The following ATP2B2 variants were observed in gnomAD, a reference collection of about 807,000 sequenced individuals.
ATP2B2 encodes ATPase plasma membrane Ca2+ transporting 2, also known as plasma membrane calcium-transporting ATPase 2.
ATP2B2 carries 15 observed loss-of-function variants against 120.0 expected under a neutral mutation model. The ratio of observed to expected loss-of-function variants is 0.12; its 90% CI spans 0.08 to 0.19. The LOEUF (loss-of-function observed/expected upper bound fraction) is 0.19, where lower values mean the gene tolerates loss of function less well. Among genes scored for constraint, ATP2B2 ranks in the 10% least tolerant of loss-of-function variants. The probability of loss-of-function intolerance (pLI) is 1.00; values close to 1 mark genes in which losing one functional copy is unlikely to be tolerated. For missense variants in ATP2B2, 1,045 were observed against 1,719.8 expected (o/e 0.61, Z 6.94); for synonymous variants, 694 against 700.3 (o/e 0.99, Z 0.14).
At chr3:10,441,093 C>A (rs2063648930) in intron 2 of ATP2B2, among the ~76,000 whole-genome samples, 1 of 152,198 alleles carries the variant, frequency 6.6e-6, no homozygotes, top group Non-Finnish European at 1.5e-5. Context: ...CACCTTTGCA[C>A]CTCCCTTTCC....
chr3:10,544,711 G>T (rs977107022), intron 2 of ATP2B2, among the ~76,000 whole-genome samples: 1 of 152,202 alleles, frequency 6.6e-6, no homozygotes, highest in Non-Finnish European at 1.5e-5. Context: ...AAGAGCCCCA[G>T]ATCACTGACC....
chr3:10,557,663 T>C lies in ATP2B2; in HGVS notation c.-414-23530A>G, dbSNP rs532022932. Among the ~76,000 whole-genome samples, 160 of 152,284 alleles carry C rather than the reference T, an allele frequency of 1.1e-3. 2 individuals are homozygous for C. The highest frequency in any genetic ancestry group is 3.7e-3 in the African/African-American group (154 of 41,540). On this transcript the variant is annotated intron_variant, in intron 2 of 21. Coordinates refer to the ATP2B2 transcript ENST00000646379. ...AGGGCTGAGTTCAGGGAAGGAAGAA[T>C]GGTCTGAAGTGACTGGAGTGGGGCC...
Position 10,375,152 on chromosome 3 carries a change from G to C in ATP2B2, c.1416+278C>G, listed in dbSNP as rs895587028. 6.6e-6 allele frequency among the ~76,000 whole-genome samples: 1 copy of C among 152,130 alleles called. No homozygotes were observed. The highest frequency in any genetic ancestry group is 1.5e-5 in the Non-Finnish European group (1 of 68,022). On this transcript the variant is annotated intron_variant, in intron 11 of 22. Transcript: ENST00000360273. The surrounding 1 kb of genome is among the most constrained non-coding windows in gnomAD (Gnocchi z 4.2). ...TCTCTTGGAAAAAGGTGACAATGTG[G>C]CAATGCTGGGCCTGCACCCCTGCAA...
chr3:10,698,459 A>G (rs973558535), intron 1 of ATP2B2, among the ~76,000 whole-genome samples: 16 of 152,204 alleles, frequency 1.1e-4, no homozygotes, highest in Non-Finnish European at 1.9e-4. Flanking sequence ...AAGTCAGCTG[A>G]GTCAGGAAAT....
intron 2 of ATP2B2, among the ~76,000 whole-genome samples, chr3:10,618,234 T>A (rs2069449938): frequency 6.6e-6 from 1 of 152,210 alleles, no homozygotes. Context: ...GCAAGTCACT[T>A]CACTTCTCTG....
chr3:10,374,211 G>A (rs148504134), intron 11 of ATP2B2, among the ~76,000 whole-genome samples: 1 of 152,304 alleles, frequency 6.6e-6, no homozygotes, highest in Non-Finnish European at 1.5e-5. Context: ...CAGTGAAGTG[G>A]CTGTGGAGGC....
At chr3:10,630,303 C>G (rs148250957) in intron 1 of ATP2B2, among the ~76,000 whole-genome samples, 1 of 152,094 alleles carries the variant, frequency 6.6e-6, no homozygotes, top group South Asian at 2.1e-4. Context: ...TTTCCTGATG[C>G]TCTCCCTCTT....
At chr3:10,610,642 A>G (rs530695659) in intron 2 of ATP2B2, among the ~76,000 whole-genome samples, 61 of 152,292 alleles carry the variant, frequency 4.0e-4, no homozygotes, top group African/African-American at 1.4e-3. Flanking sequence ...TCCTTCTCGC[A>G]AGCAAAAGTG....
chr3:10,580,522 C>T (rs970715454), intron 2 of ATP2B2, among the ~76,000 whole-genome samples: 4 of 152,264 alleles, frequency 2.6e-5, no homozygotes, highest in East Asian at 3.9e-4. Flanking sequence ...CCGACACCTC[C>T]GGCCCTTCCC....
chr3:10,695,522 C>G (rs1269361574), intron 1 of ATP2B2, among the ~76,000 whole-genome samples: 1 of 152,182 alleles, frequency 6.6e-6, no homozygotes, highest in Non-Finnish European at 1.5e-5. Flanking sequence ...TGCTCTCTCT[C>G]TCTCATAACT....
chr3:10,501,469 C>G (rs2125406344), intron 1 of ATP2B2, among the ~76,000 whole-genome samples: 1 of 151,678 alleles, frequency 6.6e-6, no homozygotes, highest in South Asian at 2.1e-4. Context: ...CTCCCGGACT[C>G]AAGCGATCCT....
chr3:10,600,635 C>A (rs2068883392), intron 2 of ATP2B2, among the ~76,000 whole-genome samples: 1 of 152,218 alleles, frequency 6.6e-6, no homozygotes, highest in African/African-American at 2.4e-5. Context: ...GGGGCTGGTG[C>A]TCTGGTTCCT....
At chr3:10,669,049 C>T (rs961619537) in intron 1 of ATP2B2, among the ~76,000 whole-genome samples, 11 of 152,190 alleles carry the variant, frequency 7.2e-5, no homozygotes, top group African/African-American at 2.7e-4. Flanking sequence ...AGCAAACATC[C>T]AACAACAAAA....
At chr3:10,330,571 C>G (rs905999465) in intron 22 of ATP2B2, among the ~76,000 whole-genome samples, 3 of 152,240 alleles carry the variant, frequency 2.0e-5, no homozygotes, top group African/African-American at 7.2e-5. Context: ...CAGGACAGAG[C>G]CTTAGTCGGC....
At chr3:10,336,235 C>A in intron 22 of ATP2B2, 3 of 1,550,582 alleles carry the variant, frequency 1.9e-6, no homozygotes, top group Non-Finnish European at 8.7e-7. Flanking sequence ...GGCTGGTGAC[C>A]GAGGACTGTC....
chr3:10,523,936 C>T (rs1483268232), intron 3 of ATP2B2, among the ~76,000 whole-genome samples: 1 of 151,998 alleles, frequency 6.6e-6, no homozygotes. Flanking sequence ...ACTGAAAATA[C>T]ATTTGTTTGT....
intron 1 of ATP2B2, among the ~76,000 whole-genome samples, chr3:10,468,775 G>A (rs1258234502): frequency 6.6e-6 from 1 of 152,230 alleles, no homozygotes; most frequent in Non-Finnish European, 1.5e-5. Context: ...GTTCCTATCA[G>A]TGCCAAGTCC....
At chr3:10,667,897 G>T (rs1410017954) in intron 1 of ATP2B2, among the ~76,000 whole-genome samples, 2 of 152,082 alleles carry the variant, frequency 1.3e-5, no homozygotes, top group Non-Finnish European at 2.9e-5. Context: ...ATAAACAACT[G>T]AGACAACCTC....
chr3:10,552,988 C>T (rs2067701790), intron 2 of ATP2B2, among the ~76,000 whole-genome samples: 1 of 152,200 alleles, frequency 6.6e-6, no homozygotes, highest in South Asian at 2.1e-4. Context: ...TGAATTGCTC[C>T]TCAAGGGCAT....
Sources: allele counts gnomAD v4.1 joint callset (sites outside exome capture counted in the v4.1 genomes callset), GRCh38; gene constraint gnomAD v4.1.1; non-coding constraint Gnocchi (gnomAD v3.1); transcripts MANE v1.5; gene names NCBI Gene and HGNC (gene_info 2026-07-23, HGNC 2026-07-21).